TUBGCP2: variants seen among roughly 807,000 people sequenced by gnomAD.
TUBGCP2 encodes the protein tubulin gamma complex component 2.
Under a neutral mutation model 92.2 loss-of-function variants are expected in TUBGCP2, and 55 were observed. The observed-to-expected ratio is 0.60, with a 90% confidence interval of 0.48 to 0.75. The LOEUF (loss-of-function observed/expected upper bound fraction) is 0.75. Ranked by LOEUF, TUBGCP2 falls within the 30% of genes least tolerant of loss-of-function variation. TUBGCP2 has a pLI of 0.00. For missense variants in TUBGCP2, 1,093 were observed against 1,188.9 expected, an observed-to-expected ratio of 0.92 and a Z score of 1.19; for synonymous variants, 533 against 505.2, an observed-to-expected ratio of 1.06 and a Z score of -0.74.
At position 133,282,347 on chromosome 10, in the gene TUBGCP2, G is replaced by A. The variant is rs112390120; in HGVS notation, c.2290-5C>T. ...TTTCATGCTCTGTGTAAATTTCTAGGGGGGGAGAGTCGCAAGGAAATGCTT... is the reference window on the plus strand; with the variant it reads ...TTTCATGCTCTGTGTAAATTTCTAGAGGGGGAGAGTCGCAAGGAAATGCTT... On this transcript the variant is annotated splice_polypyrimidine_tract_variant and splice_region_variant and intron_variant, in intron 15 of 17. Transcript: ENST00000252936. 9.2e-4 allele frequency: 1,453 copies of A among 1,584,424 alleles called. 2 individuals are homozygous for A. The highest frequency in any genetic ancestry group is 1.1e-3 in the Non-Finnish European group (1,313 of 1,164,666).
upstream of TUBGCP2, chr10:133,310,113 C>G: frequency 6.2e-7 from 1 of 1,611,860 alleles, no homozygotes. Context: ...GGGGGCATGG[C>G]GGTGGGGGAG....
At chr10:133,297,784 G>C (rs1382171186) in intron 5 of TUBGCP2, among the ~76,000 whole-genome samples, 168 bp downstream of exon 5, 1 of 152,272 alleles carries the variant, frequency 6.6e-6, no homozygotes, top group Non-Finnish European at 1.5e-5. Context: ...CAGCCAGTCA[G>C]CATTGAGCCT....
chr10:133,303,517 CT>C (rs1847730890), intron 1 of TUBGCP2, among the ~76,000 whole-genome samples: 2 of 152,186 alleles, frequency 1.3e-5, no homozygotes, highest in African/African-American at 4.8e-5. Flanking sequence ...ACAGAGCTTT[CT>C]GGTCCCAGAC....
In TUBGCP2 at chr10:133,292,574, G is replaced by C. The variant is rs149312301; in HGVS notation, c.1139C>G (p.Thr380Ser). 5 of 1,614,074 alleles carry C rather than the reference G, an allele frequency of 3.1e-6. No homozygotes were observed. The highest frequency in any genetic ancestry group is 1.7e-5 in the Admixed American group (1 of 60,002). Reference protein sequence around the residue: ...SQAQELCLYLTKAASAPYFEV... With the variant: ...SQAQELCLYLSKAASAPYFEV... Reference sequence around the variant, plus strand: ...GAAGTAGGGAGCACTGGCCGCCTTGGTTAGGTACAGGCATAGCTCCTGCGC... The same window carrying C: ...GAAGTAGGGAGCACTGGCCGCCTTGCTTAGGTACAGGCATAGCTCCTGCGC... Residue 380 changes from threonine to serine, a missense_variant, in exon 8 of 18, where the codon ACC becomes AGC. Physicochemically the swap from Thr to Ser is moderately conservative, Grantham distance 58. This residue lies in a region of TUBGCP2 where 490 missense variants were observed against 488.5 expected (regional missense o/e 1.00). Coordinates refer to ENST00000252936, the MANE Select transcript of TUBGCP2 (RefSeq NM_006659.4).
intron 6 of TUBGCP2, 114 bp downstream of exon 6, chr10:133,293,448 C>A: frequency 7.5e-7 from 1 of 1,326,966 alleles, no homozygotes; most frequent in Non-Finnish European, 1.0e-6. Flanking sequence ...GGAGTTGTCA[C>A]CAAGGCGGGC....
intron 8 of TUBGCP2, among the ~76,000 whole-genome samples, chr10:133,291,289 G>A (rs867786451): frequency 1.1e-5 from 1 of 90,382 alleles, no homozygotes; most frequent in African/African-American, 7.2e-5. Flanking sequence ...CCGTGTCCCT[G>A]TGTCCCGGGG....
chr10:133,305,880 C>G (rs899426377), intron 1 of TUBGCP2, among the ~76,000 whole-genome samples: 5 of 152,202 alleles, frequency 3.3e-5, no homozygotes, highest in Non-Finnish European at 7.3e-5. Flanking sequence ...CCATGGAGCC[C>G]CATGCAGTCT....
intron 11 of TUBGCP2, among the ~76,000 whole-genome samples, chr10:133,286,371 T>C (rs1366107666): frequency 6.6e-6 from 1 of 152,164 alleles, no homozygotes; most frequent in Non-Finnish European, 1.5e-5. Context: ...ACGAAAATAT[T>C]CCTGCTCCTA....
intron 2 of TUBGCP2, chr10:133,302,152 G>A (rs1847676781): frequency 6.3e-6 from 1 of 158,650 alleles, no homozygotes; most frequent in South Asian, 1.8e-4. Flanking sequence ...CTGCACAGTG[G>A]GGTGAATCAC....
chr10:133,285,710 C>T lies in TUBGCP2; in HGVS notation c.1723-82G>A. On this transcript the variant is annotated intron_variant, in intron 11 of 17. Transcript: ENST00000252936. The surrounding 1 kb of genome is among the most constrained non-coding windows in gnomAD (Gnocchi z 6.8). The stretch of plus-strand genomic sequence containing the variant: ...GCATCCCGATCGCCATCCTCGCTCA[C>T]AGACCCAGCGCTGACGTAAGGTTCC... The T allele has an allele frequency of 7.3e-7, 1 of 1,377,422 alleles. No homozygotes were observed. Among genetic ancestry groups the T allele is most frequent in the South Asian group, 1.7e-5 (1 of 59,874 alleles). 85.3% of individuals were successfully genotyped at this position (1,377,422 alleles called of 1,614,324 possible). A position where few individuals can be genotyped will look rare whatever the true frequency, so the allele number is the denominator to read the frequency against.
At chr10:133,286,617 G>A (rs1564936285) in intron 11 of TUBGCP2, among the ~76,000 whole-genome samples, 1 of 152,126 alleles carries the variant, frequency 6.6e-6, no homozygotes, top group South Asian at 2.1e-4. Flanking sequence ...CCTCCCGCGC[G>A]CACGGAACAC....
At chr10:133,310,208 C>G, upstream of TUBGCP2, 1 of 1,614,054 alleles carries the variant, frequency 6.2e-7, no homozygotes, top group Non-Finnish European at 8.5e-7. Flanking sequence ...TCAAGACCAG[C>G]AGAGACCGGA....
At position 133,281,373 on chromosome 10, in the gene TUBGCP2, A is replaced by G. The variant is rs771350570; in HGVS notation, c.2473T>C (p.Phe825Leu). The G allele has an allele frequency of 6.2e-7, 1 of 1,613,712 alleles. No individual in the cohort carries two copies. The highest frequency in any genetic ancestry group is 1.3e-5 in the African/African-American group (1 of 74,908). Residue 825 changes from phenylalanine to leucine, a missense_variant, in exon 17 of 18, where the codon TTT becomes CTT. Coordinates refer to ENST00000252936, the MANE Select transcript of TUBGCP2 (RefSeq NM_006659.4). ...VSGFEATINKFDKNFSAHLLD... is the reference protein window; with the variant it reads ...VSGFEATINKLDKNFSAHLLD... ...AGGTGGGCTGAGAAGTTCTTGTCAA[A>G]CTTGTTGATGGTGGCCTCGAAGCCG...
At chr10:133,289,745 G>A (rs1564937740) in intron 9 of TUBGCP2, 79 bp downstream of exon 9, 4 of 1,370,618 alleles carry the variant, frequency 2.9e-6, no homozygotes, top group Middle Eastern at 2.7e-4. Flanking sequence ...CAGGCTCCCG[G>A]TGGGAGGGCC....
chr10:133,287,448 A>T (rs913973115), intron 11 of TUBGCP2, among the ~76,000 whole-genome samples: 3 of 152,130 alleles, frequency 2.0e-5, no homozygotes, highest in Middle Eastern at 3.2e-3. Flanking sequence ...ACATATATAT[A>T]TTTTAAAAAA....
chr10:133,294,122 C>A (rs1450388224), intron 5 of TUBGCP2, among the ~76,000 whole-genome samples: 11 of 152,260 alleles, frequency 7.2e-5, no homozygotes, highest in Non-Finnish European at 1.6e-4. Flanking sequence ...CTTGGTAAGT[C>A]TGAGTTACTC....
intron 11 of TUBGCP2, among the ~76,000 whole-genome samples, chr10:133,287,151 A>G (rs1847152321): frequency 6.6e-6 from 1 of 152,256 alleles, no homozygotes; most frequent in Non-Finnish European, 1.5e-5. Flanking sequence ...AAAAGCAGAT[A>G]CTAGAAACCC....
chr10:133,296,043 TG>T (rs765112691), intron 5 of TUBGCP2: 5 of 152,364 alleles, frequency 3.3e-5, no homozygotes, highest in Non-Finnish European at 7.3e-5. Flanking sequence ...GCCCCTTTCC[TG>T]GGATGCTGAG....
At position 133,293,203 on chromosome 10, in the gene TUBGCP2, T is replaced by G; in HGVS notation, c.860A>C (p.Gln287Pro). ...IEEKSSFEYG[Q>P]VNHALAAAMR... ...GGCGGCCGCCAGGGCGTGGTTCACC[T>G]GCCCGTACTCGAAGGAAGACTTCTC... Residue 287 changes from glutamine to proline, a missense_variant, in exon 7 of 18, where the codon CAG becomes CCG. Gln to Pro is a moderately conservative substitution (Grantham distance 76, BLOSUM62 -1). Coordinates refer to ENST00000252936, the MANE Select transcript of TUBGCP2 (RefSeq NM_006659.4). 6.2e-7 allele frequency: 1 copy of G among 1,613,814 alleles called. No individual in the cohort carries two copies. The highest frequency in any genetic ancestry group is 1.3e-5 in the African/African-American group (1 of 75,080).
Sources: gnomAD v4.1 joint callset for allele counts (sites outside exome capture counted in the v4.1 genomes callset) on GRCh38, gnomAD v4.1.1 for gene constraint, gnomAD v4.1.1 regional missense constraint, Gnocchi (gnomAD v3.1) non-coding constraint, MANE v1.5 for transcripts, NCBI Gene and HGNC (gene_info 2026-07-23, HGNC 2026-07-21) for gene names.